The following TBC1D10C variants were observed in gnomAD, a reference collection of about 807,000 sequenced individuals.
TBC1D10C encodes carabin.
Under a neutral mutation model 51.0 loss-of-function variants are expected in TBC1D10C, and 49 were observed. The ratio of observed to expected loss-of-function variants is 0.96; its 90% confidence interval spans 0.76 to 1.22. TBC1D10C has a LOEUF of 1.22. Ranked by LOEUF, TBC1D10C falls within the 50% of genes most tolerant of loss-of-function variation. The pLI is 0.00. For missense variants in TBC1D10C, 541 were observed against 617.5 expected (o/e 0.88, Z 1.31); for synonymous variants, 281 against 266.7 (o/e 1.05, Z -0.52).
In TBC1D10C at chr11:67,405,195, C is replaced by T. The variant is rs1219798113; in HGVS notation, c.252+11C>T. Reference sequence around the variant, plus strand: ...CGGCGGTACAAGAAGGTGAGGGGGGCAGGGGCCCCACTTGGCTTCCATGGC... The same window carrying T: ...CGGCGGTACAAGAAGGTGAGGGGGGTAGGGGCCCCACTTGGCTTCCATGGC... On this transcript the variant is annotated intron_variant, in intron 2 of 8. Coordinates refer to ENST00000542590, the MANE Select transcript of TBC1D10C (RefSeq NM_001369496.1). The T allele has an allele frequency of 6.4e-7, 1 of 1,550,528 alleles. No individual in the cohort carries two copies. The highest frequency in any genetic ancestry group is 1.4e-5 in the African/African-American group (1 of 73,170).
intron 3 of TBC1D10C, 42 bp downstream of exon 3, chr11:67,405,548 C>A (rs1863121083): frequency 6.2e-7 from 1 of 1,613,574 alleles, no homozygotes; most frequent in Non-Finnish European, 8.5e-7. Context: ...TACCCAGAGC[C>A]CCTCACCACA....
Position 67,409,531 on chromosome 11 carries a change from C to T in TBC1D10C, c.1118C>T (p.Ala373Val), listed in dbSNP as rs1422953469. 7.7e-6 allele frequency: 12 copies of T among 1,548,646 alleles called. No homozygotes were observed. The Admixed American group carries it at 7.8e-5, about 10-fold the overall frequency. Residue 373 changes from alanine to valine, a missense_variant, in exon 9 of 9, where the codon GCC (alanine) becomes GTC (valine). Coordinates refer to ENST00000542590, the MANE Select transcript of TBC1D10C (RefSeq NM_001369496.1). ...RPQVRLAGAQ[A>V]IFEAQQLAGV... ...CAGGTCCGCCTCGCCGGGGCCCAAG[C>T]CATCTTTGAGGCCCAGCAGCTGGCA...
At chr11:67,409,182 G>A (rs371584528) in intron 8 of TBC1D10C, 49 bp downstream of exon 8, 5 of 1,524,514 alleles carry the variant, frequency 3.3e-6, no homozygotes, top group Non-Finnish European at 3.5e-6. Flanking sequence ...TGCTGCACGG[G>A]GGAAACTGAG....
chr11:67,409,476 G>A lies in TBC1D10C; in HGVS notation c.1063G>A (p.Asp355Asn), dbSNP rs183224614. The change falls in exon 9 of 9, where the codon GAT (aspartate) becomes AAT (asparagine). Residue 355 changes from aspartate (D) to asparagine (N), a missense_variant. Coordinates refer to ENST00000542590, the MANE Select transcript of TBC1D10C (RefSeq NM_001369496.1). ...EIKAQLAQLP[D>N]SAPGPPPRPQ... ...CAAGGCCCAGCTGGCCCAGCTGCCC[G>A]ATTCCGCGCCGGGACCCCCGCCCCG... The A allele has an allele frequency of 3.0e-5, 47 of 1,548,844 alleles. No homozygotes were observed. Among genetic ancestry groups the A allele is most frequent in the East Asian group, 2.4e-4 (10 of 40,890 alleles).
Position 67,405,483 on chromosome 11 carries a change from A to T in TBC1D10C, c.337A>T (p.Lys113Ter), listed in dbSNP as rs1451990535. The change falls in exon 3 of 9, where the codon AAG becomes TAG. Residue 113 changes from lysine to a stop codon, truncating the protein, a stop_gained. Transcript: ENST00000542590. LOFTEE classifies it high-confidence loss of function. ...GTTGTGTGGGGCCCATGTGTGCCAG[A>T]AGAACAGCCCTGGCACCTATCAGGT... ...PLLCGAHVCQ[K>*]NSPGTYQELA... 3 of 1,613,694 alleles carry T rather than the reference A, an allele frequency of 1.9e-6. No homozygotes were observed. The highest frequency in any genetic ancestry group is 2.5e-6 in the Non-Finnish European group (3 of 1,179,944).
intron 7 of TBC1D10C, 183 bp from the exon 8 acceptor site, chr11:67,408,796 G>A (rs1307274439): frequency 1.5e-6 from 1 of 682,344 alleles, no homozygotes; most frequent in Admixed American, 4.1e-5. Flanking sequence ...GGCTCTTGAG[G>A]CTAACTTGGC....
At chr11:67,406,470 A>C in intron 5 of TBC1D10C, 157 bp from the exon 6 acceptor site, 3 of 660,664 alleles carry the variant, frequency 4.5e-6, no homozygotes, top group Non-Finnish European at 7.8e-6. Flanking sequence ...GCTTTTGGGA[A>C]GGGCTTCCAG....
At chr11:67,408,902 T>C in intron 7 of TBC1D10C, 77 bp from the exon 8 acceptor site, 1 of 1,472,110 alleles carries the variant, frequency 6.8e-7, no homozygotes, top group Non-Finnish European at 9.0e-7. Flanking sequence ...GGGAGGCATA[T>C]GGCTGAGGGC....
chr11:67,409,639 C>T lies in TBC1D10C; in HGVS notation c.1226C>T (p.Pro409Leu). 9 of 1,594,710 alleles carry T rather than the reference C, an allele frequency of 5.6e-6. No individual in the cohort carries two copies. Among genetic ancestry groups the T allele is most frequent in the Non-Finnish European group, 7.7e-6 (9 of 1,172,890 alleles). The part of the protein sequence containing the change: ...PEEPRPPRRK[P>L]QTRGKTFHGL... The stretch of plus-strand genomic sequence containing the variant: ...GAGCCCAGACCACCGCGGCGGAAAC[C>T]CCAGACCCGCGGCAAGACTTTCCAT... The change falls in exon 9 of 9, where the codon CCC (proline) becomes CTC (leucine). Residue 409 changes from proline to leucine, a missense_variant. Pro to Leu is a moderately conservative substitution (Grantham distance 98, BLOSUM62 -3). Transcript: ENST00000542590.
At position 67,404,199 on chromosome 11, in the gene TBC1D10C, C is replaced by T; in HGVS notation, c.-4C>T. 3.9e-6 allele frequency: 6 copies of T among 1,526,600 alleles called. No individual in the cohort carries two copies. Among genetic ancestry groups the T allele is most frequent in the Non-Finnish European group, 5.3e-6 (6 of 1,133,696 alleles). 94.6% of individuals were successfully genotyped at this position (1,526,600 alleles called of 1,614,324 possible). On this transcript the variant is annotated 5_prime_UTR_variant, in exon 1 of 9. Coordinates refer to ENST00000542590, the MANE Select transcript of TBC1D10C (RefSeq NM_001369496.1). Reference sequence around the variant, plus strand: ...TGCCTGTGGCATCGAAGGCCCCGGGCACCATGGCCCAGGCCCTGGGGGAGG... The same window carrying T: ...TGCCTGTGGCATCGAAGGCCCCGGGTACCATGGCCCAGGCCCTGGGGGAGG...
At position 67,409,428 on chromosome 11, in the gene TBC1D10C, G is replaced by A; in HGVS notation, c.1015G>A (p.Glu339Lys). ...ACAGGTGCACAGCGTGGTGCTGTCA[G>A]AGCGGGACCTGCAGCGGGAGATCAA... Reference protein sequence around the residue: ...MSQVHSVVLSERDLQREIKAQ... With the variant: ...MSQVHSVVLSKRDLQREIKAQ... The change falls in exon 9 of 9, where the codon GAG becomes AAG. Residue 339 changes from glutamate (E) to lysine (K), a missense_variant. Transcript: ENST00000542590. The A allele has an allele frequency of 2.6e-6, 4 of 1,549,090 alleles. No individual in the cohort carries two copies. Among genetic ancestry groups the A allele is most frequent in the Non-Finnish European group, 3.5e-6 (4 of 1,146,632 alleles).
Position 67,405,190 on chromosome 11 carries a change from G to C in TBC1D10C, c.252+6G>C, listed in dbSNP as rs1214450841. The C allele has an allele frequency of 1.9e-6, 3 of 1,550,878 alleles. No homozygotes were observed. The highest frequency in any genetic ancestry group is 2.6e-6 in the Non-Finnish European group (3 of 1,146,742). ...TGTCCCGGCGGTACAAGAAGGTGAG[G>C]GGGGCAGGGGCCCCACTTGGCTTCC... On this transcript the variant is annotated splice_donor_region_variant and intron_variant, in intron 2 of 8. Transcript: ENST00000542590.
chr11:67,404,195 CG>C lies in TBC1D10C; in HGVS notation c.-5del. 6.6e-7 allele frequency: 1 copy of C among 1,519,454 alleles called. No homozygotes were observed. 94.1% of individuals were successfully genotyped at this position (1,519,454 alleles called of 1,614,324 possible). On this transcript the variant is annotated 5_prime_UTR_variant, in exon 1 of 9. Transcript: ENST00000542590. ...TCTCTGCCTGTGGCATCGAAGGCCC[CG>C]GGCACCATGGCCCAGGCCCTGGGGG...
chr11:67,404,960 C>T, intron 1 of TBC1D10C, 125 bp from the exon 2 acceptor site: 2 of 838,928 alleles, frequency 2.4e-6, no homozygotes, highest in South Asian at 1.8e-5. Flanking sequence ...CACAGGTCAC[C>T]CCACAGGGCT....
chr11:67,406,208 T>A, intron 5 of TBC1D10C, 191 bp downstream of exon 5: 1 of 550,676 alleles, frequency 1.8e-6, no homozygotes, highest in Non-Finnish European at 3.2e-6. Context: ...CCTGGGACCC[T>A]TGACCCCAGC....
At chr11:67,405,330 AGCTGTGCCTGGG>A in intron 2 of TBC1D10C, 57 bp from the exon 3 acceptor site, 1 of 1,549,066 alleles carries the variant, frequency 6.5e-7, no homozygotes, top group Non-Finnish European at 8.8e-7. Flanking sequence ...CCTGCTGATG[AGCTGTGCCTGGG>A]GCCTGCCAGC....
chr11:67,408,624 C>T (rs1863294638), intron 7 of TBC1D10C: 1 of 217,974 alleles, frequency 4.6e-6, no homozygotes, highest in Non-Finnish European at 9.1e-6. Flanking sequence ...GTAGGAGGTG[C>T]TCCTCCCCGG....
rs1863366286 is a variant in TBC1D10C, at chr11:67,409,655, G to A, written c.1242G>A (p.Lys414=). The change falls in exon 9 of 9, where the codon AAG becomes AAA. Residue 414 remains lysine (K), a synonymous_variant. Transcript: ENST00000542590. The part of the protein sequence containing the change: ...PPRRKPQTRG[K]TFHGLLTRAR... ...GGCGGAAACCCCAGACCCGCGGCAAGACTTTCCATGGGCTCCTGACTCGGG... is the reference window on the plus strand; with the variant it reads ...GGCGGAAACCCCAGACCCGCGGCAAAACTTTCCATGGGCTCCTGACTCGGG... The A allele has an allele frequency of 1.2e-6, 2 of 1,602,688 alleles. No homozygotes were observed. Among genetic ancestry groups the A allele is most frequent in the Non-Finnish European group, 1.7e-6 (2 of 1,177,864 alleles).
Position 67,409,579 on chromosome 11 carries a change from C to G in TBC1D10C, c.1166C>G (p.Pro389Arg). 1 of 1,549,174 alleles carries G rather than the reference C, an allele frequency of 6.5e-7. No individual in the cohort carries two copies. The highest frequency in any genetic ancestry group is 8.7e-7 in the Non-Finnish European group (1 of 1,146,950). The change falls in exon 9 of 9, where the codon CCT (proline) becomes CGT (arginine). Residue 389 changes from proline (P) to arginine (R), a missense_variant. Transcript: ENST00000542590. ...QLAGVRRGAK[P>R]EVPRIVVQPP... ...GCAGGAGTGCGACGAGGCGCCAAGC[C>G]TGAGGTGCCTCGGATTGTGGTGCAG...
Sources: allele counts gnomAD v4.1 joint callset, GRCh38; gene constraint gnomAD v4.1.1; transcripts MANE v1.5; gene names NCBI Gene and HGNC (gene_info 2026-07-23, HGNC 2026-07-21).